The following RFX7 variants were observed in gnomAD, a reference collection of about 807,000 sequenced individuals.
The protein encoded by RFX7 is regulatory factor X7, also known as DNA-binding protein RFX7.
A neutral mutation model predicts 111.8 loss-of-function variants in RFX7; 26 were observed. The observed-to-expected ratio is 0.23, with a 90% CI of 0.17 to 0.32. The LOEUF (loss-of-function observed/expected upper bound fraction) is 0.32, where lower values mean the gene tolerates loss of function less well. RFX7 is among the 10% of genes least tolerant of loss of function. The pLI is 1.00. For missense variants in RFX7, 1,573 were observed against 1,772.9 expected (o/e 0.89, Z 2.02); for synonymous variants, 624 against 624.4 (o/e 1.00, Z 0.01).
chr15:56,098,252 C>A lies in RFX7; in HGVS notation c.936G>T (p.Gln312His). The change falls in exon 9 of 10, where the codon CAG becomes CAT. Residue 312 changes from glutamine to histidine, a missense_variant. Gln to His is a conservative substitution (Grantham distance 24, BLOSUM62 0). Coordinates refer to ENST00000559447, the MANE Select transcript of RFX7 (RefSeq NM_022841.7). ...GTAGTTTCTGTTCTTGCTGCTTCTTCTGGATTTTCCGTTGCAACTGCTGTT... is the reference window on the plus strand; with the variant it reads ...GTAGTTTCTGTTCTTGCTGCTTCTTATGGATTTTCCGTTGCAACTGCTGTT... ...DAKQQLQRKI[Q>H]KKQQEQKLQS... is the part of the protein sequence containing the mutation. 1 of 1,613,958 alleles carries A rather than the reference C, an allele frequency of 6.2e-7. No homozygotes were observed. Among genetic ancestry groups the A allele is most frequent in the Non-Finnish European group, 8.5e-7 (1 of 1,179,856 alleles).
intron 2 of RFX7, among the ~76,000 whole-genome samples, chr15:56,229,999 G>A (rs1022911586): frequency 1.3e-5 from 2 of 151,902 alleles, no homozygotes; most frequent in African/African-American, 2.4e-5. Flanking sequence ...TGCCCTCACC[G>A]ACAGGCTTCC....
At chr15:56,239,841 A>C (rs1293244899) in intron 2 of RFX7, among the ~76,000 whole-genome samples, 1 of 152,152 alleles carries the variant, frequency 6.6e-6, no homozygotes, top group Non-Finnish European at 1.5e-5. Context: ...ATTTTATTCT[A>C]TCAGGGTTTC....
intron 5 of RFX7, among the ~76,000 whole-genome samples, chr15:56,140,750 A>G (rs370064474): frequency 4.6e-5 from 7 of 152,228 alleles, no homozygotes; most frequent in East Asian, 3.8e-4. Flanking sequence ...TGTTTAAAAA[A>G]TCCTTTAACT....
intron 3 of RFX7, among the ~76,000 whole-genome samples, chr15:56,148,575 T>C (rs997832029): frequency 1.3e-5 from 2 of 152,102 alleles, no homozygotes; most frequent in Non-Finnish European, 2.9e-5. Flanking sequence ...TTCTAAAACT[T>C]TGGTTGACAA....
At chr15:56,241,679 G>C (rs1194934439) in intron 2 of RFX7, among the ~76,000 whole-genome samples, 2 of 151,532 alleles carry the variant, frequency 1.3e-5, no homozygotes, top group Non-Finnish European at 2.9e-5. Flanking sequence ...GCTTTAAAAA[G>C]GGGGTGAGGG....
At chr15:56,139,324 C>A (rs1235005914) in intron 5 of RFX7, among the ~76,000 whole-genome samples, 3 of 151,908 alleles carry the variant, frequency 2.0e-5, no homozygotes, top group African/African-American at 7.3e-5. Flanking sequence ...TCTTTTTATT[C>A]TTTTTTCTCT....
chr15:56,186,683 GT>G (rs1421424498), intron 2 of RFX7, among the ~76,000 whole-genome samples: 24 of 151,552 alleles, frequency 1.6e-4, no homozygotes, highest in Admixed American at 1.3e-3. Flanking sequence ...ATACATGTGT[GT>G]ATAATAAACA....
intron 3 of RFX7, among the ~76,000 whole-genome samples, chr15:56,175,407 A>C (rs1595987464): frequency 6.6e-6 from 1 of 152,294 alleles, no homozygotes; most frequent in East Asian, 1.9e-4. Context: ...ACTTTTTTTA[A>C]AAATAAAAAT....
intron 5 of RFX7, among the ~76,000 whole-genome samples, chr15:56,117,282 C>T (rs78766250): frequency 0.012 from 1,866 of 152,024 alleles, 42 homozygotes; most frequent in African/African-American, 0.041. Flanking sequence ...CCTTAGAGAA[C>T]AAGTAGATTT....
At position 56,095,618 on chromosome 15, in the gene RFX7, T is replaced by C; in HGVS notation, c.2110A>G (p.Lys704Glu). The C allele has an allele frequency of 1.9e-6, 3 of 1,614,022 alleles. No individual in the cohort carries two copies. The highest frequency in any genetic ancestry group is 2.2e-5 in the South Asian group (2 of 91,084). The change falls in exon 10 of 10, where the codon AAA becomes GAA. Residue 704 changes from lysine (K) to glutamate (E), a missense_variant. Lys to Glu is a moderately conservative substitution (Grantham distance 56). Coordinates refer to ENST00000559447, the MANE Select transcript of RFX7 (RefSeq NM_022841.7). Reference sequence around the variant, plus strand: ...GCACCTGCTGTTGAACCTTCTGTTTTCCCTGAATGTGGAACCTTTTGGTCC... The same window carrying C: ...GCACCTGCTGTTGAACCTTCTGTTTCCCCTGAATGTGGAACCTTTTGGTCC... ...KKDQKVPHSG[K>E]TEGSTAGAQI...
chr15:56,095,851 A>C lies in RFX7; in HGVS notation c.1877T>G (p.Val626Gly). The C allele has an allele frequency of 6.2e-7, 1 of 1,607,616 alleles. No homozygotes were observed. The highest frequency in any genetic ancestry group is 8.5e-7 in the Non-Finnish European group (1 of 1,179,836). ...GNNQSTITLS[V>G]ASQNLTFTSS... ...GGTGAAAGTTAAGTTCTGAGAAGCA[A>C]CTGATAGAGTGATAGTGCTTTGATT... Residue 626 changes from valine (V) to glycine (G), a missense_variant, in exon 10 of 10, where the codon GTT (valine) becomes GGT (glycine). Around this residue, in one of 7 missense-constraint regions of RFX7, gnomAD observed 625 missense variants for 632.2 expected, o/e 0.99. Transcript: ENST00000559447.
chr15:56,120,674 G>A (rs987535828), intron 5 of RFX7, among the ~76,000 whole-genome samples: 7 of 152,110 alleles, frequency 4.6e-5, no homozygotes, highest in African/African-American at 1.7e-4. Flanking sequence ...TCTATGCCCA[G>A]TTTTTTGAGG....
At chr15:56,157,823 C>T (rs2042672572) in intron 3 of RFX7, among the ~76,000 whole-genome samples, 1 of 152,226 alleles carries the variant, frequency 6.6e-6, no homozygotes, top group Non-Finnish European at 1.5e-5. Context: ...CAATGATCTG[C>T]CCGCCTCGGC....
At chr15:56,176,583 C>T (rs1191622682) in intron 3 of RFX7, among the ~76,000 whole-genome samples, 1 of 151,972 alleles carries the variant, frequency 6.6e-6, no homozygotes, top group Non-Finnish European at 1.5e-5. Context: ...TCCAGCAAAA[C>T]CATCTTTTAA....
intron 2 of RFX7, among the ~76,000 whole-genome samples, chr15:56,222,498 C>A (rs532100367): frequency 6.6e-6 from 1 of 152,278 alleles, no homozygotes; most frequent in Non-Finnish European, 1.5e-5. Flanking sequence ...CATATATTGG[C>A]CCACGAGTCA....
chr15:56,168,653 A>G (rs1478730025), intron 3 of RFX7, among the ~76,000 whole-genome samples: 1 of 152,024 alleles, frequency 6.6e-6, no homozygotes, highest in Non-Finnish European at 1.5e-5. Flanking sequence ...CTAGAAAACA[A>G]AAGATGTCCT....
At chr15:56,110,047 A>T (rs2140933027) in intron 5 of RFX7, among the ~76,000 whole-genome samples, 1 of 106,066 alleles carries the variant, frequency 9.4e-6, no homozygotes, top group Non-Finnish European at 1.9e-5. Flanking sequence ...CTGGAAAATG[A>T]GGAGCCCCTC....
chr15:56,107,545 TGTG>T (rs1328364722), intron 5 of RFX7, among the ~76,000 whole-genome samples: 1 of 152,104 alleles, frequency 6.6e-6, no homozygotes, highest in Non-Finnish European at 1.5e-5. Flanking sequence ...ACAAAAGACT[TGTG>T]GTAAAATATA....
chr15:56,103,020 C>T (rs1368835627), intron 6 of RFX7, among the ~76,000 whole-genome samples: 1 of 151,936 alleles, frequency 6.6e-6, no homozygotes, highest in Non-Finnish European at 1.5e-5. Flanking sequence ...TTCTCCATCA[C>T]AAGAAGGACC....
Sources: gnomAD v4.1 joint callset for allele counts (sites outside exome capture counted in the v4.1 genomes callset) on GRCh38, gnomAD v4.1.1 for gene constraint, gnomAD v4.1.1 regional missense constraint, MANE v1.5 for transcripts, NCBI Gene and HGNC (gene_info 2026-07-23, HGNC 2026-07-21) for gene names.